OLFM3: variants seen among roughly 807,000 people sequenced by gnomAD.
OLFM3 encodes noelin-3.
In OLFM3, 20 loss-of-function variants were observed where a neutral mutation model predicts 48.6. The ratio of observed to expected loss-of-function variants is 0.41; its 90% CI spans 0.29 to 0.60. The LOEUF is 0.60. Among genes scored for constraint, OLFM3 ranks in the 20% least tolerant of loss-of-function variants. The pLI is 0.28. For synonymous variants in OLFM3, 222 were observed against 198.1 expected, an observed-to-expected ratio of 1.12 and a Z score of -1.01; for missense variants, 437 against 544.3, an observed-to-expected ratio of 0.80 and a Z score of 1.96.
At chr1:101,816,369 G>A (rs1474154046) in intron 4 of OLFM3, among the ~76,000 whole-genome samples, 2 of 152,154 alleles carry the variant, frequency 1.3e-5, no homozygotes, top group East Asian at 1.9e-4. Context: ...GGAGCAATAC[G>A]CTGATGTTGT....
At chr1:101,898,033 A>G (rs1013624778) in intron 1 of OLFM3, among the ~76,000 whole-genome samples, 4 of 152,168 alleles carry the variant, frequency 2.6e-5, no homozygotes, top group African/African-American at 4.8e-5. Flanking sequence ...CTCCTTCTAG[A>G]CATTTATTTT....
chr1:101,934,301 A>G (rs955237653), intron 1 of OLFM3, among the ~76,000 whole-genome samples: 1 of 152,166 alleles, frequency 6.6e-6, no homozygotes, highest in African/African-American at 2.4e-5. Flanking sequence ...AATTAAACAA[A>G]ACAAAGAACA....
At chr1:101,832,654 G>C (rs1415853235) in intron 2 of OLFM3, among the ~76,000 whole-genome samples, 1 of 152,182 alleles carries the variant, frequency 6.6e-6, no homozygotes, top group Non-Finnish European at 1.5e-5. Context: ...ACCTTACACG[G>C]AACCAGGCAC....
intron 1 of OLFM3, among the ~76,000 whole-genome samples, chr1:101,926,973 C>A (rs538038006): frequency 6.6e-6 from 1 of 152,120 alleles, no homozygotes; most frequent in African/African-American, 2.4e-5. Flanking sequence ...ATAATACAAT[C>A]GCTTTTTCCT....
intron 1 of OLFM3, among the ~76,000 whole-genome samples, chr1:101,896,670 A>ATTTTTT (rs3079210): frequency 9.5e-6 from 1 of 105,702 alleles, no homozygotes; most frequent in African/African-American, 3.6e-5. Flanking sequence ...GATTTTTTGT[A>ATTTTTT]TTTTTTTTTT....
chr1:101,845,229 C>T (rs111762741), intron 1 of OLFM3, among the ~76,000 whole-genome samples: 6 of 151,726 alleles, frequency 4.0e-5, no homozygotes, highest in African/African-American at 1.4e-4. Flanking sequence ...TAAGAATTGT[C>T]TGTGTCAAAA....
chr1:101,834,672 T>C (rs1570539800), intron 2 of OLFM3, among the ~76,000 whole-genome samples: 1 of 152,212 alleles, frequency 6.6e-6, no homozygotes, highest in South Asian at 2.1e-4. Context: ...AACTACCATA[T>C]GGTAAGTTTA....
intron 1 of OLFM3, among the ~76,000 whole-genome samples, chr1:101,903,903 G>A (rs1658472793): frequency 6.6e-6 from 1 of 151,916 alleles, no homozygotes; most frequent in African/African-American, 2.4e-5. Flanking sequence ...TTACAATAAG[G>A]AAATATGATT....
intron 3 of OLFM3, among the ~76,000 whole-genome samples, chr1:101,826,178 T>A (rs1003665007): frequency 2.9e-5 from 4 of 135,948 alleles, no homozygotes; most frequent in African/African-American, 6.2e-5. Flanking sequence ...ACACACACAG[T>A]GTATGTTGTC....
chr1:101,981,212 A>G (rs549869056), intron 1 of OLFM3, among the ~76,000 whole-genome samples: 2 of 152,130 alleles, frequency 1.3e-5, no homozygotes, highest in East Asian at 3.9e-4. Flanking sequence ...GCTGCTGACC[A>G]TGCTTCCTAT....
intron 1 of OLFM3, among the ~76,000 whole-genome samples, chr1:101,909,818 T>C (rs17125723): frequency 0.011 from 1,651 of 152,268 alleles, 31 homozygotes; most frequent in African/African-American, 0.037. Flanking sequence ...TCTGAAATAA[T>C]TGCTTTTGGG....
intron 1 of OLFM3, among the ~76,000 whole-genome samples, chr1:101,953,791 G>T (rs1287259210): frequency 6.6e-6 from 1 of 152,080 alleles, no homozygotes; most frequent in Non-Finnish European, 1.5e-5. Context: ...GGCCCAGCAG[G>T]TACTGTGACC....
At chr1:101,905,736 C>T (rs1266020820) in intron 1 of OLFM3, among the ~76,000 whole-genome samples, 1 of 152,076 alleles carries the variant, frequency 6.6e-6, no homozygotes, top group Non-Finnish European at 1.5e-5. Flanking sequence ...CAGCTGCAGT[C>T]AGTGTTTTCA....
At chr1:101,950,686 C>T (rs1660118379) in intron 1 of OLFM3, among the ~76,000 whole-genome samples, 3 of 152,020 alleles carry the variant, frequency 2.0e-5, no homozygotes, top group Admixed American at 2.0e-4. Context: ...CCTCGTGATC[C>T]ACCCGCCTCG....
chr1:101,948,569 A>G (rs1660028454), intron 1 of OLFM3, among the ~76,000 whole-genome samples: 1 of 152,012 alleles, frequency 6.6e-6, no homozygotes, highest in South Asian at 2.1e-4. Context: ...GGTTCCTTAC[A>G]TTATTGGTGA....
intron 1 of OLFM3, among the ~76,000 whole-genome samples, chr1:101,973,794 A>C (rs1226995320): frequency 6.6e-6 from 1 of 152,214 alleles, no homozygotes; most frequent in Non-Finnish European, 1.5e-5. Context: ...GAAGGACAAG[A>C]AAGAGAGATG....
intron 1 of OLFM3, among the ~76,000 whole-genome samples, chr1:101,891,409 T>C (rs765679771): frequency 2.0e-5 from 3 of 151,922 alleles, no homozygotes; most frequent in African/African-American, 7.2e-5. Context: ...AATAACATGC[T>C]AGTTATTACT....
intron 1 of OLFM3, among the ~76,000 whole-genome samples, chr1:101,941,894 A>C (rs11164341): frequency 0.34 from 51,842 of 152,018 alleles, 9,391 homozygotes; most frequent in Middle Eastern, 0.49. Flanking sequence ...GATACCAGTA[A>C]AACTAACTTA....
chr1:101,812,931 T>C (rs1654139139), intron 4 of OLFM3: 9 of 1,010,886 alleles, frequency 8.9e-6, no homozygotes, highest in Non-Finnish European at 8.3e-6. Context: ...TGTTAGAGGG[T>C]AAAAACAATA....
Sources: allele counts gnomAD v4.1 joint callset (sites outside exome capture counted in the v4.1 genomes callset), GRCh38; gene constraint gnomAD v4.1.1; transcripts MANE v1.5; gene names NCBI Gene and HGNC (gene_info 2026-07-23, HGNC 2026-07-21).